The following KLHL31 variants were observed in gnomAD, a reference collection of about 807,000 sequenced individuals.
KLHL31 encodes kelch like family member 31, also known as kelch-like protein 31.
A neutral mutation model predicts 47.1 loss-of-function variants in KLHL31; 32 were observed. That is an observed-to-expected ratio of 0.68 (90% CI 0.51 to 0.91). The LOEUF (loss-of-function observed/expected upper bound fraction) is 0.91, where lower values mean the gene tolerates loss of function less well. Ranked by LOEUF, KLHL31 falls within the 40% of genes least tolerant of loss-of-function variation. The pLI, the probability that KLHL31 is intolerant of heterozygous loss-of-function variation, is 0.00. For missense variants in KLHL31, 797 were observed against 819.3 expected, an observed-to-expected ratio of 0.97 and a Z score of 0.33; for synonymous variants, 330 against 325.1, an observed-to-expected ratio of 1.01 and a Z score of -0.16.
chr6:53,653,147 T>C (rs184376241), intron 2 of KLHL31, among the ~76,000 whole-genome samples: 22 of 152,336 alleles, frequency 1.4e-4, no homozygotes, highest in Admixed American at 4.6e-4. Context: ...AAAATAAGCA[T>C]AGTGAACTGA....
intron 2 of KLHL31, among the ~76,000 whole-genome samples, chr6:53,653,194 T>C (rs950074506): frequency 9.9e-5 from 15 of 152,202 alleles, no homozygotes; most frequent in Non-Finnish European, 7.3e-5. Context: ...GTATTGTAAA[T>C]ACAGAACTCA....
intron 2 of KLHL31, chr6:53,652,536 C>A (rs1764492573): frequency 4.9e-6 from 3 of 615,176 alleles, no homozygotes; most frequent in South Asian, 3.9e-5. Context: ...CATTGACCAC[C>A]CCTCGCCCCC....
chr6:53,660,584 C>T (rs1416379543), intron 1 of KLHL31, among the ~76,000 whole-genome samples: 3 of 152,094 alleles, frequency 2.0e-5, no homozygotes, highest in Non-Finnish European at 4.4e-5. Flanking sequence ...GAGGCCGAGG[C>T]GGGTGGATCA....
At position 53,654,971 on chromosome 6, in the gene KLHL31, A is replaced by G; in HGVS notation, c.302T>C (p.Ile101Thr). The change falls in exon 2 of 3, where the codon ATC becomes ACC. Residue 101 changes from isoleucine (I) to threonine (T), a missense_variant. Physicochemically the swap from Ile to Thr is moderately conservative, Grantham distance 89. Coordinates refer to ENST00000370905, the MANE Select transcript of KLHL31 (RefSeq NM_001003760.5). ...CTGAATTGACGGGTCTTTTTTTAGG[A>G]TGTTGTAAAAATACTCACTGCATGA... Reference protein sequence around the residue: ...MASCSEYFYNILKKDPSIQRV... With the variant: ...MASCSEYFYNTLKKDPSIQRV... 1 of 1,614,094 alleles carries G rather than the reference A, an allele frequency of 6.2e-7. No homozygotes were observed. Among genetic ancestry groups the G allele is most frequent in the Non-Finnish European group, 8.5e-7 (1 of 1,179,988 alleles).
rs1290411951 is a variant in KLHL31 at position 53,649,774 on chromosome 6, TTGTATGAG to T, written c.*1816_*1823del. 1 of 152,220 alleles carries T rather than the reference TTGTATGAG, an allele frequency of 6.6e-6. No homozygotes were observed. Among genetic ancestry groups the T allele is most frequent in the African/African-American group, 2.4e-5 (1 of 41,454 alleles). 9.4% of individuals were successfully genotyped at this position (152,220 alleles called of 1,614,324 possible). A position where few individuals can be genotyped will look rare whatever the true frequency, so the allele number is the denominator to read the frequency against. ...TAACCATATACTATAGGCTTCTCAG[TTGTATGAG>T]TGTGTGCGTATACACACATATACAT... On this transcript the variant is annotated 3_prime_UTR_variant, in exon 3 of 3. Transcript: ENST00000370905.
rs749858883 is a variant in KLHL31, at chr6:53,655,108, A to G, written c.165T>C (p.Tyr55=). 21 of 1,614,082 alleles carry G rather than the reference A, an allele frequency of 1.3e-5. No individual in the cohort carries two copies. Among genetic ancestry groups the G allele is most frequent in the Admixed American group, 5.0e-5 (3 of 60,002 alleles). The change falls in exon 2 of 3, where the codon TAT becomes TAC. Residue 55 remains tyrosine, a synonymous_variant. Coordinates refer to ENST00000370905, the MANE Select transcript of KLHL31 (RefSeq NM_001003760.5). The stretch of plus-strand genomic sequence containing the variant: ...TTAAACCTTCCAAGAGGTTGGGGCC[A>G]TAAGAAGCATCTGTTAGTTCAGAAG... The part of the protein sequence containing the change: ...CISSELTDAS[Y]GPNLLEGLSK...
At chr6:53,661,529 T>C (rs1043518358) in intron 1 of KLHL31, among the ~76,000 whole-genome samples, 3 of 152,138 alleles carry the variant, frequency 2.0e-5, no homozygotes, top group Non-Finnish European at 4.4e-5. Flanking sequence ...CAAAGTAATA[T>C]ATATGTACAG....
rs373849533 is a variant in KLHL31, at chr6:53,654,659, G to A, written c.614C>T (p.Ser205Leu). The change falls in exon 2 of 3, where the codon TCG becomes TTG. Residue 205 changes from serine to leucine, a missense_variant. Physicochemically the swap from Ser to Leu is moderately radical, Grantham distance 145. Transcript: ENST00000370905. The stretch of plus-strand genomic sequence containing the variant: ...AAATGTAAGTTTCATAAACTGATCC[G>A]ATTCTGCAAATTCAAGGAAGTTATC... ...IRDNFLEFAE[S>L]DQFMKLTFEQ... 22 of 1,613,968 alleles carry A rather than the reference G, an allele frequency of 1.4e-5. No homozygotes were observed. The Admixed American group carries it at 2.2e-4, about 16-fold the overall frequency.
intron 2 of KLHL31, 94 bp from the exon 3 acceptor site, chr6:53,652,424 C>A (rs546568458): frequency 2.0e-6 from 3 of 1,518,518 alleles, no homozygotes; most frequent in Non-Finnish European, 2.7e-6. Flanking sequence ...CTGACACTAC[C>A]CCTGCAAGGA....
chr6:53,658,823 G>T (rs182475121), intron 1 of KLHL31, among the ~76,000 whole-genome samples: 2 of 152,198 alleles, frequency 1.3e-5, no homozygotes, highest in Admixed American at 6.5e-5. Context: ...AATCACAGGA[G>T]AAATTTTTAT....
chr6:53,656,568 G>C (rs1251974144), intron 1 of KLHL31, among the ~76,000 whole-genome samples: 1 of 152,072 alleles, frequency 6.6e-6, no homozygotes, highest in Non-Finnish European at 1.5e-5. Flanking sequence ...GTGTATGTGT[G>C]TGTAAGTATA....
intron 1 of KLHL31, among the ~76,000 whole-genome samples, chr6:53,661,062 T>G (rs1437555478): frequency 6.6e-5 from 10 of 152,180 alleles, no homozygotes; most frequent in Admixed American, 6.5e-4. Context: ...GATCATTGCT[T>G]TGAAGCTGAA....
intron 1 of KLHL31, among the ~76,000 whole-genome samples, chr6:53,656,992 G>A (rs1470558254): frequency 1.5e-5 from 2 of 136,474 alleles, no homozygotes; most frequent in African/African-American, 5.3e-5. Context: ...GAGTGTAGTG[G>A]TGTGATTTTG....
chr6:53,653,240 A>C (rs1227090386), intron 2 of KLHL31, among the ~76,000 whole-genome samples: 1 of 152,150 alleles, frequency 6.6e-6, no homozygotes, highest in Non-Finnish European at 1.5e-5. Flanking sequence ...GTCCCATTTA[A>C]CTCCCAAATT....
At position 53,651,770 on chromosome 6, in the gene KLHL31, T is replaced by C. The variant is rs1764471016; in HGVS notation, c.1733A>G (p.Lys578Arg). 4 of 1,614,026 alleles carry C rather than the reference T, an allele frequency of 2.5e-6. No individual in the cohort carries two copies. The highest frequency in any genetic ancestry group is 3.4e-6 in the Non-Finnish European group (4 of 1,180,020). Residue 578 changes from lysine (K) to arginine (R), a missense_variant, in exon 3 of 3, where the codon AAG becomes AGG. Lys to Arg is a conservative substitution (Grantham distance 26). Transcript: ENST00000370905. Reference protein sequence around the residue: ...YLVGGWNEGEKKYKKCIQCFS... With the variant: ...YLVGGWNEGERKYKKCIQCFS... ...GCACTGGATGCACTTCTTGTACTTCTTCTCGCCCTCGTTCCAGCCCCCCAC... is the reference window on the plus strand; with the variant it reads ...GCACTGGATGCACTTCTTGTACTTCCTCTCGCCCTCGTTCCAGCCCCCCAC...
rs1173206691 is a variant in KLHL31 at position 53,650,596 on chromosome 6, A to T, written c.*1002T>A. The T allele has an allele frequency of 6.6e-6, 1 of 152,162 alleles. No homozygotes were observed. 9.4% of individuals were successfully genotyped at this position (152,162 alleles called of 1,614,324 possible). On this transcript the variant is annotated 3_prime_UTR_variant, in exon 3 of 3. Transcript: ENST00000370905. ...TCATATAAAAGATTGGGGCAAATAA[A>T]ATTATTGTTATTGGTTGTGTAAACT...
Position 53,652,245 on chromosome 6 carries a change from G to A in KLHL31, c.1258C>T (p.Leu420Phe), listed in dbSNP as rs1291243839. Residue 420 changes from leucine to phenylalanine, a missense_variant, in exon 3 of 3, where the codon CTC becomes TTC. Physicochemically the swap from Leu to Phe is conservative, Grantham distance 22. Coordinates refer to ENST00000370905, the MANE Select transcript of KLHL31 (RefSeq NM_001003760.5). The part of the protein sequence containing the change: ...THFSLSVFNG[L>F]VYAAGGRNAE... ...TTGCGGCCGCCCGCGGCGTACACGA[G>A]CCCGTTGAACACGCTCAGGCTGAAG... The A allele has an allele frequency of 1.5e-5, 25 of 1,613,956 alleles. No individual in the cohort carries two copies. Among genetic ancestry groups the A allele is most frequent in the Non-Finnish European group, 1.9e-5 (23 of 1,180,044 alleles).
In KLHL31 at chr6:53,654,702, C is replaced by A. The variant is rs373411637; in HGVS notation, c.571G>T (p.Ala191Ser). 8 of 1,614,060 alleles carry A rather than the reference C, an allele frequency of 5.0e-6. No individual in the cohort carries two copies. In the African/African-American group the frequency reaches 6.7e-5, roughly 13 times the overall value. The change falls in exon 2 of 3, where the codon GCC becomes TCC. Residue 191 changes from alanine (A) to serine (S), a missense_variant. Physicochemically the swap from Ala to Ser is moderately conservative, Grantham distance 99 (BLOSUM62 1). Coordinates refer to ENST00000370905, the MANE Select transcript of KLHL31 (RefSeq NM_001003760.5). ...TYSLKNAKAA[A>S]QKFIRDNFLE... ...AAGTTATCCCGAATAAATTTCTGGG[C>A]TGCTGCTTTTGCATTTTTTAGGGAG...
intron 1 of KLHL31, among the ~76,000 whole-genome samples, chr6:53,664,500 A>G (rs868405415): frequency 9.8e-5 from 15 of 152,354 alleles, no homozygotes; most frequent in South Asian, 4.1e-4. Context: ...CTGCCAAGCA[A>G]TGGTACATAA....
Sources: allele counts gnomAD v4.1 joint callset (sites outside exome capture counted in the v4.1 genomes callset), GRCh38; gene constraint gnomAD v4.1.1; transcripts MANE v1.5; gene names NCBI Gene and HGNC (gene_info 2026-07-23, HGNC 2026-07-21).